VPS50: variants seen among roughly 807,000 people sequenced by gnomAD.
VPS50 encodes syndetin.
Under a neutral mutation model 139.7 loss-of-function variants are expected in VPS50, and 70 were observed. The observed-to-expected ratio is 0.50, with a 90% confidence interval of 0.41 to 0.61. VPS50 has a LOEUF of 0.61. Ranked by LOEUF, VPS50 falls within the 20% of genes least tolerant of loss-of-function variation. The pLI is 0.00. For synonymous variants in VPS50, 365 were observed against 376.7 expected (o/e 0.97, Z 0.36); for missense variants, 921 against 1,133.7 (o/e 0.81, Z 2.69).
chr7:93,314,211 G>A (rs769458500), intron 20 of VPS50, among the ~76,000 whole-genome samples: 3 of 152,148 alleles, frequency 2.0e-5, no homozygotes, highest in African/African-American at 7.2e-5. Context: ...TTAATTTTTG[G>A]TGCTTGAGAA....
intron 4 of VPS50, among the ~76,000 whole-genome samples, chr7:93,256,174 C>G (rs1253221103): frequency 4.6e-5 from 7 of 152,164 alleles, no homozygotes; most frequent in Non-Finnish European, 1.0e-4. Flanking sequence ...ACAATTTCAT[C>G]TTTTTCAATC....
At chr7:93,268,459 A>G (rs1795908083) in intron 9 of VPS50, among the ~76,000 whole-genome samples, 1 of 151,850 alleles carries the variant, frequency 6.6e-6, no homozygotes, top group Non-Finnish European at 1.5e-5. Context: ...TGCATTAGCT[A>G]TTTTTCCTGA....
intron 2 of VPS50, among the ~76,000 whole-genome samples, chr7:93,251,777 A>G (rs1276366896): frequency 3.9e-5 from 6 of 152,198 alleles, no homozygotes; most frequent in African/African-American, 7.2e-5. Context: ...ATTTAAAACA[A>G]TAGTTCCTTT....
At chr7:93,343,263 C>G (rs563498131) in intron 23 of VPS50, among the ~76,000 whole-genome samples, 68 of 151,250 alleles carry the variant, frequency 4.5e-4, no homozygotes, top group African/African-American at 1.4e-3. Flanking sequence ...TGAAATGAAG[C>G]GAGAAGGGAA....
chr7:93,258,374 G>C lies in VPS50; in HGVS notation c.558G>C (p.Arg186=). Residue 186 remains arginine, a synonymous_variant, in exon 8 of 28, where the codon CGG becomes CGC. Transcript: ENST00000305866. ...TIKTLQRTDV[R]LSEMLEEEDY... is the part of the protein sequence containing the mutation. ...TTTTTCAGCAAAGAACAGATGTACGGTTAAGTGAAATGCTGGAGGTAAGTT... is the reference window on the plus strand; with the variant it reads ...TTTTTCAGCAAAGAACAGATGTACGCTTAAGTGAAATGCTGGAGGTAAGTT... 6.2e-7 allele frequency: 1 copy of C among 1,613,028 alleles called. No individual in the cohort carries two copies. Among genetic ancestry groups the C allele is most frequent in the Non-Finnish European group, 8.5e-7 (1 of 1,179,234 alleles).
intron 10 of VPS50, 52 bp downstream of exon 10, chr7:93,271,314 T>G: frequency 6.7e-7 from 1 of 1,495,060 alleles, no homozygotes. Flanking sequence ...CAGAAGTTTT[T>G]GAATAGCCTA....
chr7:93,263,050 T>C (rs1795733741), intron 9 of VPS50, among the ~76,000 whole-genome samples: 1 of 152,096 alleles, frequency 6.6e-6, no homozygotes, highest in Non-Finnish European at 1.5e-5. Context: ...TTTTTTTTTC[T>C]GTGCGTTTTT....
Position 93,291,721 on chromosome 7 carries a change from T to C in VPS50, c.961T>C (p.Tyr321His), listed in dbSNP as rs866636420. Residue 321 changes from tyrosine to histidine, a missense_variant, in exon 13 of 28, where the codon TAT (tyrosine) becomes CAT (histidine). Transcript: ENST00000305866. ...DLCTHVTPDS[Y>H]IPCLADLCKA... Reference sequence around the variant, plus strand: ...TCTTTAGCATGTTACACCAGACAGCTATATTCCATGCCTTGCAGACCTGTG... The same window carrying C: ...TCTTTAGCATGTTACACCAGACAGCCATATTCCATGCCTTGCAGACCTGTG... 6.4e-7 allele frequency: 1 copy of C among 1,572,830 alleles called. No homozygotes were observed. The highest frequency in any genetic ancestry group is 8.6e-7 in the Non-Finnish European group (1 of 1,157,904).
At chr7:93,342,384 G>A (rs990086345) in intron 23 of VPS50, among the ~76,000 whole-genome samples, 11 of 152,296 alleles carry the variant, frequency 7.2e-5, no homozygotes, top group East Asian at 1.9e-4. Context: ...ACTGCAAGGC[G>A]GCAGTGACGC....
chr7:93,284,790 G>A (rs1196061132), intron 12 of VPS50, among the ~76,000 whole-genome samples: 1 of 152,202 alleles, frequency 6.6e-6, no homozygotes, highest in Non-Finnish European at 1.5e-5. Flanking sequence ...TCATGATCAA[G>A]TAAGTGACAA....
At chr7:93,307,589 G>T (rs1391381231) in intron 18 of VPS50, among the ~76,000 whole-genome samples, 1 of 151,772 alleles carries the variant, frequency 6.6e-6, no homozygotes, top group Non-Finnish European at 1.5e-5. Flanking sequence ...TTGACTTTAG[G>T]GTTACAAATA....
intron 18 of VPS50, 133 bp from the exon 19 acceptor site, chr7:93,308,688 GACA>G (rs1797183746): frequency 2.3e-6 from 1 of 431,540 alleles, no homozygotes; most frequent in African/African-American, 2.0e-5. Flanking sequence ...GATTCTTGGT[GACA>G]ACATTAAAGC....
intron 20 of VPS50, chr7:93,320,551 C>T (rs1210603196): frequency 2.1e-5 from 3 of 144,652 alleles, no homozygotes; most frequent in Non-Finnish European, 4.4e-5. Flanking sequence ...TTAGTAGAGA[C>T]GGGGTTTCAC....
intron 21 of VPS50, chr7:93,333,897 A>G (rs1798003008): frequency 2.1e-6 from 1 of 470,232 alleles, no homozygotes; most frequent in Non-Finnish European, 3.8e-6. Flanking sequence ...AGATTGATAG[A>G]TGTTAGTGTG....
chr7:93,358,417 T>C lies in VPS50; in HGVS notation c.2876T>C (p.Ile959Thr). ...AAACTTCTAGCAGCTATAGATGATA[T>C]AGACAGACCTAAAAGATAATGAACA... The part of the protein sequence containing the change: ...RQKLLAAIDD[I>T]DRPKR Residue 959 changes from isoleucine to threonine, a missense_variant, in exon 28 of 28, where the codon ATA becomes ACA. Ile to Thr is a moderately conservative substitution (Grantham distance 89, BLOSUM62 -1). Coordinates refer to ENST00000305866, the MANE Select transcript of VPS50 (RefSeq NM_017667.4). 1.9e-6 allele frequency: 3 copies of C among 1,611,184 alleles called. No homozygotes were observed. The highest frequency in any genetic ancestry group is 2.2e-5 in the South Asian group (2 of 90,968).
intron 16 of VPS50, among the ~76,000 whole-genome samples, chr7:93,301,252 G>A (rs983311781): frequency 6.6e-5 from 10 of 150,740 alleles, no homozygotes; most frequent in African/African-American, 2.0e-4. Context: ...AGCCAAGATC[G>A]CGCCACTGCA....
intron 9 of VPS50, among the ~76,000 whole-genome samples, chr7:93,262,104 A>G (rs531588409): frequency 1.3e-5 from 2 of 152,280 alleles, no homozygotes; most frequent in South Asian, 4.1e-4. Context: ...AAATAGCATA[A>G]TAATATACTA....
intron 2 of VPS50, among the ~76,000 whole-genome samples, chr7:93,241,047 G>T (rs1435970323): frequency 6.6e-6 from 1 of 152,090 alleles, no homozygotes; most frequent in Non-Finnish European, 1.5e-5. Context: ...CTAATTAATT[G>T]ACAATAATTC....
At chr7:93,350,069 A>G (rs369431935) in intron 25 of VPS50, 36 bp downstream of exon 25, 116 of 1,489,990 alleles carry the variant, frequency 7.8e-5, no homozygotes, top group East Asian at 1.1e-4. Context: ...CTAAAGATCA[A>G]TCTACTAAGA....
Sources: allele counts gnomAD v4.1 joint callset (sites outside exome capture counted in the v4.1 genomes callset), GRCh38; gene constraint gnomAD v4.1.1; transcripts MANE v1.5; gene names NCBI Gene and HGNC (gene_info 2026-07-23, HGNC 2026-07-21).